Variants in PITPNM2 observed in about 807,000 individuals in gnomAD.
PITPNM2 encodes the protein phosphatidylinositol transfer protein membrane associated 2.
PITPNM2 carries 35 observed loss-of-function variants against 132.2 expected under a neutral mutation model. The ratio of observed to expected loss-of-function variants is 0.26; its 90% CI spans 0.20 to 0.35. The LOEUF (loss-of-function observed/expected upper bound fraction) is 0.35, where lower values mean the gene tolerates loss of function less well. Ranked by LOEUF, PITPNM2 falls within the 10% of genes least tolerant of loss-of-function variation. PITPNM2 has a pLI of 1.00. For missense variants in PITPNM2, 1,332 were observed against 1,912.0 expected, an observed-to-expected ratio of 0.70 and a Z score of 5.66; for synonymous variants, 738 against 799.2, an observed-to-expected ratio of 0.92 and a Z score of 1.29.
rs1429537555 is a variant in PITPNM2, at chr12:123,009,133, A to G, written c.643+717T>C. Among the ~76,000 whole-genome samples the G allele has an allele frequency of 6.6e-6, 1 of 152,168 alleles. No individual in the cohort carries two copies. The highest frequency in any genetic ancestry group is 1.5e-5 in the Non-Finnish European group (1 of 68,026). On this transcript the variant is annotated intron_variant, in intron 6 of 25. Coordinates refer to ENST00000320201, the MANE Select transcript of PITPNM2 (RefSeq NM_020845.3). The surrounding 1 kb of genome is among the most constrained non-coding windows in gnomAD (Gnocchi z 4.8). Reference sequence around the variant, plus strand: ...GTGTGGCTCTGTTCAATCTTAAATAAAGTCACCCTTGCTCATGGCATCACA... The same window carrying G: ...GTGTGGCTCTGTTCAATCTTAAATAGAGTCACCCTTGCTCATGGCATCACA...
At chr12:123,024,367 T>C (rs959999583) in intron 3 of PITPNM2, among the ~76,000 whole-genome samples, 2 of 152,306 alleles carry the variant, frequency 1.3e-5, no homozygotes, top group Non-Finnish European at 1.5e-5. Flanking sequence ...AGTTTGGCGG[T>C]TCCTCAAAAA....
chr12:123,066,125 T>C (rs1002142953), intron 2 of PITPNM2, among the ~76,000 whole-genome samples: 2 of 151,984 alleles, frequency 1.3e-5, no homozygotes, highest in African/African-American at 2.4e-5. Flanking sequence ...GGGAAGGAGA[T>C]GAAAGCTCTT....
At chr12:123,016,241 G>A (rs1415591567) in intron 3 of PITPNM2, among the ~76,000 whole-genome samples, 4 of 151,788 alleles carry the variant, frequency 2.6e-5, no homozygotes, top group Admixed American at 2.6e-4. Context: ...TAGGAGAATT[G>A]CTTGAACCCA....
chr12:123,097,745 A>G lies in PITPNM2; in HGVS notation c.-96+12640T>C, dbSNP rs909185118. Among the ~76,000 whole-genome samples, 20 of 152,218 alleles carry G rather than the reference A, an allele frequency of 1.3e-4. No homozygotes were observed. The highest frequency in any genetic ancestry group is 4.1e-4 in the African/African-American group (17 of 41,444). ...CGCCCAAAGCCGCTGGGATAATGGC[A>G]AGGCCAGAAATAGCCTTGAAGACAT... On this transcript the variant is annotated intron_variant, in intron 2 of 25. Coordinates refer to ENST00000320201, the MANE Select transcript of PITPNM2 (RefSeq NM_020845.3). The surrounding 1 kb of genome is among the most constrained non-coding windows in gnomAD (Gnocchi z 4.7).
At position 123,004,540 on chromosome 12, in the gene PITPNM2, A is replaced by G. The variant is rs2038839288; in HGVS notation, c.953-51T>C. 5 of 1,591,068 alleles carry G rather than the reference A, an allele frequency of 3.1e-6. No homozygotes were observed. Among genetic ancestry groups the G allele is most frequent in the Non-Finnish European group, 3.4e-6 (4 of 1,161,366 alleles). ...CGCCAACTGGAGAGGAAGGGCCCAG[A>G]GGCTGCCCTGAGCCGGCAGGAGGCA... is the stretch of plus-strand genomic sequence containing the variant. On this transcript the variant is annotated intron_variant, in intron 7 of 25. Coordinates refer to ENST00000320201, the MANE Select transcript of PITPNM2 (RefSeq NM_020845.3). The surrounding 1 kb of genome is among the most constrained non-coding windows in gnomAD (Gnocchi z 4.9).
chr12:123,124,421 G>A (rs1157376349), intron 1 of PITPNM2, among the ~76,000 whole-genome samples: 2 of 151,326 alleles, frequency 1.3e-5, no homozygotes, highest in Non-Finnish European at 2.9e-5. Flanking sequence ...AACAGAGCGA[G>A]ACTCCATCTC....
rs1275440077 is a variant in PITPNM2, at chr12:123,064,421, G to A, written c.-95-29736C>T. On this transcript the variant is annotated intron_variant, in intron 2 of 25. Transcript: ENST00000320201. This position sits in a 1 kb window ranked among gnomAD's most constrained non-coding sequence, Gnocchi z 4.0. ...CCACCACGGGGCACAGGTATGTGCA[G>A]GAGCATCAAGACCTGGGCTGGGGGT... Among the ~76,000 whole-genome samples, 3 of 152,238 alleles carry A rather than the reference G, an allele frequency of 2.0e-5. No individual in the cohort carries two copies. The highest frequency in any genetic ancestry group is 6.5e-5 in the Admixed American group (1 of 15,292).
At chr12:123,148,383 G>A (rs1727302) in intron 1 of PITPNM2, among the ~76,000 whole-genome samples, 94,549 of 152,016 alleles carry the variant, frequency 0.62, 32,225 homozygotes, top group Non-Finnish European at 0.75. Flanking sequence ...ATACCACTAC[G>A]CTTACATTAA....
intron 2 of PITPNM2, chr12:123,084,219 A>G (rs570037321): frequency 6.6e-6 from 1 of 152,438 alleles, no homozygotes; most frequent in African/African-American, 2.4e-5. Flanking sequence ...AGATTGGGAC[A>G]GTGGAAAAAC....
chr12:123,005,626 C>A lies in PITPNM2; in HGVS notation c.644-78G>T. 4 of 1,436,568 alleles carry A rather than the reference C, an allele frequency of 2.8e-6. No homozygotes were observed. The highest frequency in any genetic ancestry group is 1.3e-5 in the South Asian group (1 of 78,372). The allele number at this position is 1,436,568 out of a possible 1,614,324, so 89.0% of individuals were successfully genotyped here. A position where few individuals can be genotyped will look rare whatever the true frequency, so the allele number is the denominator to read the frequency against. On this transcript the variant is annotated intron_variant, in intron 6 of 25. Transcript: ENST00000320201. This position sits in a 1 kb window ranked among gnomAD's most constrained non-coding sequence, Gnocchi z 6.2. The stretch of plus-strand genomic sequence containing the variant: ...AGGAGCCTGCACGGAAGTGTGGGGC[C>A]CAGGCAGGGGCTTTGGGAGGCTGTA...
chr12:122,995,626 T>C lies in PITPNM2; in HGVS notation c.1817A>G (p.Asn606Ser), dbSNP rs1222030462. 1 of 1,603,260 alleles carries C rather than the reference T, an allele frequency of 6.2e-7. No individual in the cohort carries two copies. The highest frequency in any genetic ancestry group is 8.5e-7 in the Non-Finnish European group (1 of 1,178,884). ...NDLLSPGILM[N>S]AAHCCGGGGG... ...GCCACCACCGCAGCAGTGTGCTGCA[T>C]TCATCAGGATGCCCGGGGACAGCAG... The change falls in exon 14 of 26, where the codon AAT becomes AGT. Residue 606 changes from asparagine to serine, a missense_variant. Transcript: ENST00000320201.
chr12:123,093,846 T>G (rs2042334973), intron 2 of PITPNM2, among the ~76,000 whole-genome samples: 2 of 151,692 alleles, frequency 1.3e-5, no homozygotes, highest in African/African-American at 4.8e-5. Flanking sequence ...GAACCTGGAG[T>G]CTATGGAAGG....
At chr12:123,028,628 T>A (rs890656561) in intron 3 of PITPNM2, among the ~76,000 whole-genome samples, 1 of 152,166 alleles carries the variant, frequency 6.6e-6, no homozygotes, top group Non-Finnish European at 1.5e-5. Context: ...TAACTTACTT[T>A]TTAGCAATGT....
At chr12:123,134,648 A>C (rs573151203) in intron 1 of PITPNM2, among the ~76,000 whole-genome samples, 1 of 152,130 alleles carries the variant, frequency 6.6e-6, no homozygotes, top group East Asian at 1.9e-4. Flanking sequence ...GAAAAAAAAA[A>C]GGTTTTACAA....
chr12:123,039,334 T>C (rs755442967), intron 2 of PITPNM2, among the ~76,000 whole-genome samples: 12 of 151,952 alleles, frequency 7.9e-5, no homozygotes, highest in Non-Finnish European at 1.6e-4. Flanking sequence ...ACCAAAAAGA[T>C]AAGTCAAAAT....
intron 20 of PITPNM2, 96 bp from the exon 21 acceptor site, chr12:122,987,997 A>G: frequency 8.8e-7 from 1 of 1,142,132 alleles, no homozygotes; most frequent in Non-Finnish European, 1.3e-6. Flanking sequence ...GGCAGGCTTG[A>G]GCTGTGAGCT....
intron 13 of PITPNM2, 142 bp downstream of exon 13, chr12:122,996,316 C>A: frequency 8.5e-7 from 1 of 1,177,230 alleles, no homozygotes; most frequent in Non-Finnish European, 1.2e-6. Flanking sequence ...GAGTCCAAGC[C>A]AGATGGACTC....
intron 1 of PITPNM2, among the ~76,000 whole-genome samples, chr12:123,147,284 C>T (rs539171223): frequency 6.6e-6 from 1 of 152,306 alleles, no homozygotes; most frequent in Non-Finnish European, 1.5e-5. Context: ...CCTAACCACA[C>T]TGTGAGTTAG....
At chr12:123,151,552 C>T (rs192580719), upstream of PITPNM2, among the ~76,000 whole-genome samples, 10 of 152,294 alleles carry the variant, frequency 6.6e-5, no homozygotes, top group Admixed American at 6.5e-4. Flanking sequence ...GCTCGCCACA[C>T]GGTGGGTCCG....
Sources: gnomAD v4.1 joint callset for allele counts (sites outside exome capture counted in the v4.1 genomes callset) on GRCh38, gnomAD v4.1.1 for gene constraint, Gnocchi (gnomAD v3.1) non-coding constraint, MANE v1.5 for transcripts, NCBI Gene and HGNC (gene_info 2026-07-23, HGNC 2026-07-21) for gene names.